ZEB1: variants seen among roughly 807,000 people sequenced by gnomAD.
ZEB1 encodes zinc finger E-box-binding homeobox 1.
A neutral mutation model predicts 84.9 loss-of-function variants in ZEB1; 21 were observed. The ratio of observed to expected loss-of-function variants is 0.25; its 90% CI spans 0.18 to 0.36. ZEB1 has a LOEUF of 0.36. Among genes scored for constraint, ZEB1 ranks in the 10% least tolerant of loss-of-function variants. ZEB1 has a pLI of 1.00. For synonymous variants in ZEB1, 420 were observed against 471.1 expected, an observed-to-expected ratio of 0.89 and a Z score of 1.41; for missense variants, 1,104 against 1,330.2, an observed-to-expected ratio of 0.83 and a Z score of 2.65.
chr10:31,360,387 T>C (rs1231999042), intron 1 of ZEB1, among the ~76,000 whole-genome samples: 1 of 152,230 alleles, frequency 6.6e-6, no homozygotes, highest in East Asian at 1.9e-4. Context: ...TTAAATATAA[T>C]GGATATAGTT....
chr10:31,318,846 G>A (rs2032866443), upstream of ZEB1: 2 of 343,436 alleles, frequency 5.8e-6, no homozygotes, highest in South Asian at 4.7e-5. Context: ...GGCAGCCGCG[G>A]CGGGTGTGGC....
chr10:31,418,534 T>G (rs2055605498), intron 1 of ZEB1, among the ~76,000 whole-genome samples: 1 of 152,118 alleles, frequency 6.6e-6, no homozygotes, highest in South Asian at 2.1e-4. Context: ...TAGCTCAATA[T>G]TTAAAAAATA....
intron 1 of ZEB1, among the ~76,000 whole-genome samples, chr10:31,445,661 C>A (rs1384797569): frequency 6.7e-6 from 1 of 149,834 alleles, no homozygotes; most frequent in African/African-American, 2.5e-5. Context: ...TTTTCTGCAT[C>A]TATTGAGATA....
chr10:31,388,272 G>A (rs184077177), intron 1 of ZEB1, among the ~76,000 whole-genome samples: 1 of 152,192 alleles, frequency 6.6e-6, no homozygotes, highest in Non-Finnish European at 1.5e-5. Context: ...AAGTACTGGT[G>A]AAGACATTAA....
chr10:31,448,632 G>GA (rs2060108767), intron 1 of ZEB1, among the ~76,000 whole-genome samples: 1 of 151,904 alleles, frequency 6.6e-6, no homozygotes, highest in Non-Finnish European at 1.5e-5. Flanking sequence ...CCTTCTTACA[G>GA]ACAGGACCCT....
intron 1 of ZEB1, among the ~76,000 whole-genome samples, chr10:31,442,590 G>T (rs1344310516): frequency 6.6e-6 from 1 of 151,690 alleles, no homozygotes; most frequent in Non-Finnish European, 1.5e-5. Context: ...AATCCAAGTG[G>T]AGCTATCAAG....
intron 1 of ZEB1, among the ~76,000 whole-genome samples, chr10:31,391,011 T>C (rs942027662): frequency 1.3e-5 from 2 of 152,172 alleles, no homozygotes. Flanking sequence ...CAGAGAATAC[T>C]TTTCCTTCAC....
chr10:31,403,020 G>A (rs1355460134), intron 1 of ZEB1, among the ~76,000 whole-genome samples: 5 of 152,054 alleles, frequency 3.3e-5, no homozygotes, highest in African/African-American at 1.2e-4. Context: ...ATATAATAAT[G>A]TTATAGAAGT....
At chr10:31,442,517 T>C (rs1304409316) in intron 1 of ZEB1, among the ~76,000 whole-genome samples, 4 of 151,948 alleles carry the variant, frequency 2.6e-5, no homozygotes, top group Admixed American at 6.6e-5. Context: ...TGTAACAAAG[T>C]TGCACGTTGT....
rs1177904104 is a variant in ZEB1, at chr10:31,528,588, C to T, written c.*1324C>T. 1 of 152,204 alleles carries T rather than the reference C, an allele frequency of 6.6e-6. No homozygotes were observed. The highest frequency in any genetic ancestry group is 2.1e-4 in the South Asian group (1 of 4,820). The allele number at this position is 152,204 out of a possible 1,614,324, so 9.4% of individuals were successfully genotyped here. On this transcript the variant is annotated 3_prime_UTR_variant, in exon 9 of 9. Transcript: ENST00000424869. Reference sequence around the variant, plus strand: ...GTCTTCAAACCTGGCAGTATTAATACCCTTCTTACTGACATATGTACTTTT... The same window carrying T: ...GTCTTCAAACCTGGCAGTATTAATATCCTTCTTACTGACATATGTACTTTT...
intron 1 of ZEB1, chr10:31,361,286 G>A (rs1177582840): frequency 1.7e-5 from 25 of 1,462,742 alleles, no homozygotes; most frequent in African/African-American, 6.9e-5. Context: ...TCCACTTCCC[G>A]GGTTCAAGCC....
In ZEB1 at chr10:31,438,808, C is replaced by T. The variant is rs564501410; in HGVS notation, c.59-22229C>T. Among the ~76,000 whole-genome samples the T allele has an allele frequency of 1.5e-4, 23 of 152,298 alleles. No individual in the cohort carries two copies. The South Asian group carries it at 2.7e-3, about 18-fold the overall frequency. On this transcript the variant is annotated intron_variant, in intron 1 of 8. Transcript: ENST00000424869. ...GCAGTGAGCTACGATCATGCCACTG[C>T]GCTCCAGCCTGGGTGACAGAGTGAG...
At chr10:31,465,492 C>A (rs2062305916) in intron 2 of ZEB1, among the ~76,000 whole-genome samples, 1 of 151,378 alleles carries the variant, frequency 6.6e-6, no homozygotes, top group Non-Finnish European at 1.5e-5. Context: ...TCAATGGAAG[C>A]AGCAAAGAAA....
chr10:31,467,972 C>G (rs901033212), intron 2 of ZEB1, among the ~76,000 whole-genome samples: 4 of 152,140 alleles, frequency 2.6e-5, no homozygotes, highest in Admixed American at 2.6e-4. Context: ...GAGGGAGACC[C>G]ACCAGTCAGG....
At chr10:31,419,289 A>G (rs1488411352) in intron 1 of ZEB1, among the ~76,000 whole-genome samples, 1 of 152,138 alleles carries the variant, frequency 6.6e-6, no homozygotes, top group Non-Finnish European at 1.5e-5. Context: ...CTGGGGGGAT[A>G]AGGTTTGTGG....
rs1414337798 is a variant in ZEB1, at chr10:31,401,194, G to A, written c.59-59843G>A. 2.0e-5 allele frequency among the ~76,000 whole-genome samples: 3 copies of A among 152,144 alleles called. 1 individual carries two copies. The highest frequency in any genetic ancestry group is 2.0e-4 in the Admixed American group (3 of 15,272). On this transcript the variant is annotated intron_variant, in intron 1 of 8. Coordinates refer to ENST00000424869, the MANE Select transcript of ZEB1 (RefSeq NM_001174096.2). ...ATGAGGAAAATGGGGTTGGAGTACA[G>A]CCCACAATAATTTTGTCAGTGACAC...
At chr10:31,458,336 TTG>T (rs770656843) in intron 1 of ZEB1, among the ~76,000 whole-genome samples, 565 of 101,622 alleles carry the variant, frequency 5.6e-3, no homozygotes, top group Middle Eastern at 0.019. Context: ...TGTGTGTGTG[TTG>T]TGTGTGTGTG....
At chr10:31,515,076 G>A (rs946894231) in intron 6 of ZEB1, among the ~76,000 whole-genome samples, 3 of 152,060 alleles carry the variant, frequency 2.0e-5, no homozygotes, top group Admixed American at 6.6e-5. Flanking sequence ...AGAGAATAGG[G>A]AAGTGAAGAC....
At chr10:31,489,429 C>A (rs1021863169) in intron 2 of ZEB1, among the ~76,000 whole-genome samples, 1 of 151,032 alleles carries the variant, frequency 6.6e-6, no homozygotes, top group African/African-American at 2.4e-5. Flanking sequence ...CTATTCTGAT[C>A]ATCTCTGCCC....
Sources: allele counts gnomAD v4.1 joint callset (sites outside exome capture counted in the v4.1 genomes callset), GRCh38; gene constraint gnomAD v4.1.1; transcripts MANE v1.5; gene names NCBI Gene and HGNC (gene_info 2026-07-23, HGNC 2026-07-21).